TRAF3IP2: variants seen among roughly 807,000 people sequenced by gnomAD.
TRAF3IP2 encodes the protein E3 ubiquitin ligase TRAF3IP2.
Under a neutral mutation model 57.9 loss-of-function variants are expected in TRAF3IP2, and 35 were observed. The ratio of observed to expected loss-of-function variants is 0.60; its 90% CI spans 0.46 to 0.80. The LOEUF (loss-of-function observed/expected upper bound fraction) is 0.80, where lower values mean the gene tolerates loss of function less well. Among genes scored for constraint, TRAF3IP2 ranks in the 30% least tolerant of loss-of-function variants. The pLI is 0.00. For synonymous variants in TRAF3IP2, 251 were observed against 268.9 expected (o/e 0.93, Z 0.65); for missense variants, 556 against 706.4 (o/e 0.79, Z 2.41).
chr6:111,569,965 T>G, intron 5 of TRAF3IP2, among the ~76,000 whole-genome samples: 1 of 152,080 alleles, frequency 6.6e-6, no homozygotes, highest in East Asian at 1.9e-4. Flanking sequence ...TTCCCAAAAT[T>G]CCTATGTTGA....
intron 8 of TRAF3IP2, 105 bp downstream of exon 8, chr6:111,562,858 AAG>A: frequency 3.2e-6 from 3 of 926,318 alleles, no homozygotes; most frequent in South Asian, 1.6e-5. Context: ...AAAAAAAAAA[AAG>A]AAAAGAAAGA....
intron 8 of TRAF3IP2, 118 bp from the exon 9 acceptor site, chr6:111,559,669 A>G (rs1323307826): frequency 1.7e-6 from 2 of 1,196,004 alleles, no homozygotes; most frequent in African/African-American, 1.5e-5. Context: ...CTACCAAACT[A>G]TCCTGGGAGT....
At position 111,604,947 on chromosome 6, in the gene TRAF3IP2, C is replaced by G. The variant is rs186000737; in HGVS notation, c.-9+829G>C. 7.9e-5 allele frequency among the ~76,000 whole-genome samples: 12 copies of G among 152,268 alleles called. No individual in the cohort carries two copies. The East Asian group carries it at 2.3e-3, about 29-fold the overall frequency. On this transcript the variant is annotated intron_variant, in intron 1 of 8. Coordinates refer to ENST00000368761, the MANE Select transcript of TRAF3IP2 (RefSeq NM_147686.4). The stretch of plus-strand genomic sequence containing the variant: ...ACACTCATGTTAGATCACCACCCCC[C>G]ATCAATTTACTGATGAAGAAATCCA...
chr6:111,567,183 TGGA>T, intron 6 of TRAF3IP2: 1 of 1,003,532 alleles, frequency 1.0e-6, no homozygotes, highest in Non-Finnish European at 1.2e-6. Context: ...ATTCTGTCAG[TGGA>T]GAACAAATCA....
chr6:111,586,637 T>C (rs1796347053), intron 2 of TRAF3IP2, among the ~76,000 whole-genome samples: 2 of 152,206 alleles, frequency 1.3e-5, no homozygotes, highest in Admixed American at 6.5e-5. Context: ...TTTATTTATA[T>C]ATTCATTAAT....
intron 4 of TRAF3IP2, among the ~76,000 whole-genome samples, chr6:111,574,956 T>C (rs1275384446): frequency 6.6e-6 from 1 of 152,234 alleles, no homozygotes; most frequent in African/African-American, 2.4e-5. Flanking sequence ...GTACAGTGGC[T>C]CACGCCTGTA....
At chr6:111,566,642 G>A in intron 6 of TRAF3IP2, 82 bp from the exon 7 acceptor site, 1 of 1,184,302 alleles carries the variant, frequency 8.4e-7, no homozygotes, top group Non-Finnish European at 1.3e-6. Flanking sequence ...GGGGTGGAGG[G>A]CCAGGCTCAT....
intron 1 of TRAF3IP2, among the ~76,000 whole-genome samples, chr6:111,594,282 C>G (rs1319206952): frequency 1.3e-5 from 2 of 152,032 alleles, no homozygotes; most frequent in Non-Finnish European, 2.9e-5. Flanking sequence ...GTGTCATCGT[C>G]TACATGCACT....
intron 1 of TRAF3IP2, chr6:111,597,783 G>T: frequency 2.2e-6 from 1 of 453,916 alleles, no homozygotes; most frequent in African/African-American, 2.0e-5. Context: ...ATGTGAGCCT[G>T]GTTCTTGCTT....
chr6:111,569,302 C>T (rs1795752106), intron 5 of TRAF3IP2, among the ~76,000 whole-genome samples: 1 of 152,214 alleles, frequency 6.6e-6, no homozygotes, highest in Non-Finnish European at 1.5e-5. Context: ...TTCCCACCTG[C>T]ATGACTTTGG....
chr6:111,571,935 C>A (rs1402193804), intron 5 of TRAF3IP2, among the ~76,000 whole-genome samples: 6 of 151,486 alleles, frequency 4.0e-5, no homozygotes, highest in Non-Finnish European at 8.8e-5. Context: ...AAAAAATTAT[C>A]TTATAGAATA....
chr6:111,556,774 T>A lies in TRAF3IP2; in HGVS notation c.*2631A>T, dbSNP rs1352232082. On this transcript the variant is annotated 3_prime_UTR_variant, in exon 9 of 9. Transcript: ENST00000368761. ...TGAAACTAGTGTTCTTTGCAATGCA[T>A]TAGCAATGTTTCTTATTTATAGTTG... The A allele has an allele frequency of 3.3e-5, 5 of 152,220 alleles. No homozygotes were observed. The East Asian group carries it at 9.6e-4, about 29-fold the overall frequency. The allele number at this position is 152,220 out of a possible 1,614,324, so 9.4% of individuals were successfully genotyped here.
At position 111,579,319 on chromosome 6, in the gene TRAF3IP2, A is replaced by C. The variant is rs1179483012; in HGVS notation, c.1022+878T>G. ...ACGACAGAGCAAGGCTCCATCTCAA[A>C]AAAAAAAAAAAAAAAAAAAAAGATT... is the stretch of plus-strand genomic sequence containing the variant. On this transcript the variant is annotated intron_variant, in intron 3 of 8. Transcript: ENST00000368761. Among the ~76,000 whole-genome samples, 9 of 18,454 alleles carry C rather than the reference A, an allele frequency of 4.9e-4. No homozygotes were observed. In the Admixed American group the frequency reaches 5.4e-3, roughly 11 times the overall value. 12.1% of individuals were successfully genotyped at this position (18,454 alleles called of 152,430 possible).
intron 3 of TRAF3IP2, among the ~76,000 whole-genome samples, chr6:111,579,174 C>T (rs942170078): frequency 6.6e-6 from 1 of 151,656 alleles, no homozygotes; most frequent in Non-Finnish European, 1.5e-5. Context: ...ACTAAAAATA[C>T]AAAAATTAGC....
Position 111,591,571 on chromosome 6 carries a change from G to T in TRAF3IP2, c.516C>A (p.Gly172=), listed in dbSNP as rs780250486. ...GCCGTTGCACCATCTCCTGGCTACC[G>T]CCCAAGGAGTCTGCTGAGGCATTAG... ...SLPNASADSL[G]GSQEMVQRPQ... Residue 172 remains glycine, a synonymous_variant, in exon 2 of 9, where the codon GGC becomes GGA. Coordinates refer to ENST00000368761, the MANE Select transcript of TRAF3IP2 (RefSeq NM_147686.4). This position sits in a 1 kb window ranked among gnomAD's most constrained non-coding sequence, Gnocchi z 4.9. 6 of 1,614,122 alleles carry T rather than the reference G, an allele frequency of 3.7e-6. No individual in the cohort carries two copies. The East Asian group carries it at 1.3e-4, about 36-fold the overall frequency.
chr6:111,559,357 C>G lies in TRAF3IP2; in HGVS notation c.*48G>C. The G allele has an allele frequency of 1.3e-6, 2 of 1,592,506 alleles. No homozygotes were observed. Among genetic ancestry groups the G allele is most frequent in the Non-Finnish European group, 1.7e-6 (2 of 1,170,170 alleles). On this transcript the variant is annotated 3_prime_UTR_variant, in exon 9 of 9. Coordinates refer to ENST00000368761, the MANE Select transcript of TRAF3IP2 (RefSeq NM_147686.4). ...AGCCTCAGCCAGAATGCTGTCAGAA[C>G]AAGGCCCCAAACATGGCCTGGCCTC...
At position 111,559,570 on chromosome 6, in the gene TRAF3IP2, C is replaced by T. The variant is rs1403560860; in HGVS notation, c.1552-19G>A. On this transcript the variant is annotated intron_variant, in intron 8 of 8. Transcript: ENST00000368761. ...CATGCTCCTATGGGAGGCAGAATGACAGGAGCAAAGGTCATTAGAGAAAAA... is the reference window on the plus strand; with the variant it reads ...CATGCTCCTATGGGAGGCAGAATGATAGGAGCAAAGGTCATTAGAGAAAAA... The T allele has an allele frequency of 1.2e-6, 2 of 1,613,032 alleles. No individual in the cohort carries two copies. Among genetic ancestry groups the T allele is most frequent in the African/African-American group, 1.3e-5 (1 of 74,884 alleles).
rs143359935 is a variant in TRAF3IP2 at position 111,585,208 on chromosome 6, C to G, written c.830-4819G>C. On this transcript the variant is annotated intron_variant, in intron 2 of 8. Coordinates refer to ENST00000368761, the MANE Select transcript of TRAF3IP2 (RefSeq NM_147686.4). The stretch of plus-strand genomic sequence containing the variant: ...TGACTTCTACTTCTTATCCATCTCT[C>G]CAGTAGACTGTGAATTCCATGAAAA... Among the ~76,000 whole-genome samples, 18 of 152,272 alleles carry G rather than the reference C, an allele frequency of 1.2e-4. No individual in the cohort carries two copies. The East Asian group carries it at 3.5e-3, about 29-fold the overall frequency.
At chr6:111,596,969 AG>A (rs753498657) in intron 1 of TRAF3IP2, among the ~76,000 whole-genome samples, 2 of 152,228 alleles carry the variant, frequency 1.3e-5, no homozygotes, top group Non-Finnish European at 2.9e-5. Context: ...GGCACATAGT[AG>A]GTGCTCAATA....
Sources: gnomAD v4.1 joint callset for allele counts (sites outside exome capture counted in the v4.1 genomes callset) on GRCh38, gnomAD v4.1.1 for gene constraint, Gnocchi (gnomAD v3.1) non-coding constraint, MANE v1.5 for transcripts, NCBI Gene and HGNC (gene_info 2026-07-23, HGNC 2026-07-21) for gene names.